Variants in CNTN4 observed in about 807,000 individuals in gnomAD.
The protein encoded by CNTN4 is contactin 4, also known as contactin-4.
A neutral mutation model predicts 122.5 loss-of-function variants in CNTN4; 77 were observed. The ratio of observed to expected loss-of-function variants is 0.63; its 90% confidence interval spans 0.52 to 0.76. CNTN4 has a LOEUF of 0.76. Among genes scored for constraint, CNTN4 ranks in the 30% least tolerant of loss-of-function variants. The pLI is 0.00. For missense variants in CNTN4, 1,256 were observed against 1,259.1 expected (o/e 1.00, Z 0.04); for synonymous variants, 512 against 447.0 (o/e 1.15, Z -1.83).
At chr3:2,449,585 A>G (rs553176459) in intron 3 of CNTN4, among the ~76,000 whole-genome samples, 48 of 148,180 alleles carry the variant, frequency 3.2e-4, no homozygotes, top group Non-Finnish European at 6.5e-4. Flanking sequence ...ACTGCACTCC[A>G]GCCTGGGTGA....
chr3:2,372,541 C>T (rs1575486429), intron 3 of CNTN4, among the ~76,000 whole-genome samples: 1 of 152,132 alleles, frequency 6.6e-6, no homozygotes, highest in South Asian at 2.1e-4. Context: ...GGTTCCAATC[C>T]CTAATGTCCT....
intron 4 of CNTN4, among the ~76,000 whole-genome samples, chr3:2,581,247 A>G (rs1453321383): frequency 6.6e-6 from 1 of 152,064 alleles, no homozygotes; most frequent in Non-Finnish European, 1.5e-5. Flanking sequence ...AGAGAGGGGA[A>G]TTATTTCTCA....
intron 3 of CNTN4, among the ~76,000 whole-genome samples, chr3:2,508,403 C>T (rs2076793897): frequency 6.6e-6 from 1 of 152,200 alleles, no homozygotes; most frequent in Non-Finnish European, 1.5e-5. Flanking sequence ...GTTGTATGCA[C>T]ATCTGGTGAC....
At chr3:2,262,080 C>A (rs1273038595) in intron 2 of CNTN4, among the ~76,000 whole-genome samples, 1 of 152,078 alleles carries the variant, frequency 6.6e-6, no homozygotes, top group Non-Finnish European at 1.5e-5. Flanking sequence ...CTGTATGTTT[C>A]CCTTCACTTT....
chr3:2,138,591 G>C (rs1392428787), intron 2 of CNTN4, among the ~76,000 whole-genome samples: 3 of 152,114 alleles, frequency 2.0e-5, no homozygotes, highest in Admixed American at 6.5e-5. Context: ...AATTCACTGA[G>C]GGCATGAATA....
intron 3 of CNTN4, among the ~76,000 whole-genome samples, chr3:2,449,151 T>C (rs1475803018): frequency 1.3e-5 from 2 of 152,190 alleles, no homozygotes; most frequent in Non-Finnish European, 2.9e-5. Flanking sequence ...GTTTGGAGCA[T>C]GTTGGATTTA....
At chr3:2,497,300 C>T (rs1220234596) in intron 3 of CNTN4, among the ~76,000 whole-genome samples, 1 of 152,248 alleles carries the variant, frequency 6.6e-6, no homozygotes, top group South Asian at 2.1e-4. Flanking sequence ...ATATAAAGTC[C>T]TTGGCACCTA....
chr3:2,394,993 G>A (rs916868679), intron 3 of CNTN4, among the ~76,000 whole-genome samples: 2 of 151,880 alleles, frequency 1.3e-5, no homozygotes, highest in African/African-American at 4.8e-5. Flanking sequence ...TACCATGTTG[G>A]CCAGGCTGGT....
At chr3:2,661,486 A>G (rs2083890202) in intron 4 of CNTN4, among the ~76,000 whole-genome samples, 1 of 151,722 alleles carries the variant, frequency 6.6e-6, no homozygotes, top group Non-Finnish European at 1.5e-5. Context: ...GAAAGAAGCA[A>G]AAAAGCTGTG....
At chr3:2,446,922 A>C in intron 3 of CNTN4, among the ~76,000 whole-genome samples, 1 of 152,178 alleles carries the variant, frequency 6.6e-6, no homozygotes, top group Middle Eastern at 3.2e-3. Context: ...TTTATTTGTG[A>C]GGATCATATA....
intron 3 of CNTN4, among the ~76,000 whole-genome samples, chr3:2,346,857 A>G (rs2044415640): frequency 6.6e-6 from 1 of 152,144 alleles, no homozygotes; most frequent in Non-Finnish European, 1.5e-5. Context: ...TTCCAACCTC[A>G]GGACACACTT....
chr3:2,509,261 G>A (rs1255708663), intron 3 of CNTN4, among the ~76,000 whole-genome samples: 1 of 152,178 alleles, frequency 6.6e-6, no homozygotes, highest in Non-Finnish European at 1.5e-5. Flanking sequence ...GCTGCGTGGA[G>A]TAGATCTGCT....
At chr3:2,248,469 C>T (rs1394434153) in intron 2 of CNTN4, among the ~76,000 whole-genome samples, 1 of 151,962 alleles carries the variant, frequency 6.6e-6, no homozygotes, top group Non-Finnish European at 1.5e-5. Flanking sequence ...CTCTATACCA[C>T]TGCATTGTGT....
chr3:2,697,716 G>GA (rs528875668), intron 4 of CNTN4, among the ~76,000 whole-genome samples: 39 of 151,212 alleles, frequency 2.6e-4, no homozygotes, highest in South Asian at 1.5e-3. Context: ...TAGAGAGAGA[G>GA]AAAAAAAAAG....
At chr3:2,209,887 G>A (rs2038531515) in intron 2 of CNTN4, among the ~76,000 whole-genome samples, 2 of 151,942 alleles carry the variant, frequency 1.3e-5, no homozygotes, top group Admixed American at 1.3e-4. Flanking sequence ...ATAAGCAAGT[G>A]CTCTCTGTGG....
rs777946573 is a variant in CNTN4 at position 2,736,215 on chromosome 3, A to G, written c.56A>G (p.Asp19Gly). 1.9e-6 allele frequency: 3 copies of G among 1,613,272 alleles called. No individual in the cohort carries two copies. Among genetic ancestry groups the G allele is most frequent in the South Asian group, 1.1e-5 (1 of 91,076 alleles). ...TGGACATTTTCTCTTCTCATTTCAG[A>G]TGATTCCACACTGCATGGCCCGATT... ...VLQSFILCLA[D>G]DSTLHGPIFI... is the part of the protein sequence containing the mutation. The change falls in exon 5 of 25, where the codon GAT becomes GGT. Residue 19 changes from aspartate (D) to glycine (G), a missense_variant and splice_region_variant. Asp to Gly is a moderately conservative substitution (Grantham distance 94, BLOSUM62 -1). Transcript: ENST00000418658.
intron 6 of CNTN4, among the ~76,000 whole-genome samples, chr3:2,813,469 C>G (rs1365072995): frequency 1.3e-5 from 2 of 152,074 alleles, no homozygotes; most frequent in African/African-American, 4.8e-5. Context: ...GTTACTGTAT[C>G]ATTTTTCCTT....
chr3:2,677,199 C>CTA (rs1291302764), intron 4 of CNTN4, among the ~76,000 whole-genome samples: 1 of 148,778 alleles, frequency 6.7e-6, no homozygotes, highest in Non-Finnish European at 1.5e-5. Context: ...ATATATCTCT[C>CTA]TCTATATATG....
chr3:2,809,861 A>C (rs530025369), intron 6 of CNTN4, among the ~76,000 whole-genome samples: 53 of 152,346 alleles, frequency 3.5e-4, no homozygotes, highest in Middle Eastern at 3.4e-3. Context: ...GGCCTCTTAA[A>C]TAGCACAAAG....
Sources: allele counts gnomAD v4.1 joint callset (sites outside exome capture counted in the v4.1 genomes callset), GRCh38; gene constraint gnomAD v4.1.1; transcripts MANE v1.5; gene names NCBI Gene and HGNC (gene_info 2026-07-23, HGNC 2026-07-21).